Variants in DPP10 observed in about 807,000 individuals in gnomAD.
The protein encoded by DPP10 is inactive dipeptidyl peptidase 10.
DPP10 carries 33 observed loss-of-function variants against 120.9 expected under a neutral mutation model. The ratio of observed to expected loss-of-function variants is 0.27; its 90% CI spans 0.21 to 0.37. The LOEUF (loss-of-function observed/expected upper bound fraction) is 0.37. DPP10 is among the 10% of genes least tolerant of loss of function. The pLI is 1.00. For missense variants in DPP10, 816 were observed against 942.8 expected (o/e 0.87, Z 1.76); for synonymous variants, 337 against 326.1 (o/e 1.03, Z -0.36).
intron 1 of DPP10, among the ~76,000 whole-genome samples, chr2:114,847,743 T>C (rs1196003505): frequency 2.0e-5 from 3 of 152,186 alleles, no homozygotes; most frequent in Non-Finnish European, 4.4e-5. Flanking sequence ...TATCTTCTTA[T>C]ATTTTATTTC....
intron 1 of DPP10, among the ~76,000 whole-genome samples, chr2:114,651,447 G>A (rs1406180734): frequency 2.6e-5 from 4 of 152,048 alleles, no homozygotes; most frequent in Non-Finnish European, 2.9e-5. Context: ...GCTAAAACAC[G>A]ATTGTTGCAA....
At chr2:115,086,714 C>A (rs886070366) in intron 1 of DPP10, among the ~76,000 whole-genome samples, 1 of 152,088 alleles carries the variant, frequency 6.6e-6, no homozygotes, top group African/African-American at 2.4e-5. Context: ...CCTCGGCCTC[C>A]CAAAGTGCTG....
intron 1 of DPP10, among the ~76,000 whole-genome samples, chr2:114,988,036 C>G (rs1320433974): frequency 6.6e-6 from 1 of 151,802 alleles, no homozygotes. Context: ...GATCTCCTGA[C>G]CTCGTGATCC....
intron 3 of DPP10, among the ~76,000 whole-genome samples, chr2:115,451,949 T>TC (rs1199671256): frequency 6.6e-6 from 1 of 151,468 alleles, no homozygotes; most frequent in African/African-American, 2.4e-5. Flanking sequence ...ATTTATTAAA[T>TC]CCCCCCAAAA....
At chr2:114,550,249 G>T (rs1687775981) in intron 1 of DPP10, among the ~76,000 whole-genome samples, 1 of 152,204 alleles carries the variant, frequency 6.6e-6, no homozygotes, top group South Asian at 2.1e-4. Context: ...AAGGGTGTGA[G>T]CATAGGACAA....
chr2:115,238,042 C>G (rs865890488), intron 1 of DPP10, among the ~76,000 whole-genome samples: 4 of 152,172 alleles, frequency 2.6e-5, no homozygotes, highest in African/African-American at 9.6e-5. Context: ...GTAGCCAAAA[C>G]AGCCTTCTAT....
chr2:114,635,347 C>A (rs569856740), intron 1 of DPP10, among the ~76,000 whole-genome samples: 1 of 151,754 alleles, frequency 6.6e-6, no homozygotes, highest in South Asian at 2.1e-4. Context: ...TTGGGTTTAC[C>A]ATAAAATTAA....
At chr2:115,604,759 G>A (rs2083588495) in intron 5 of DPP10, among the ~76,000 whole-genome samples, 1 of 151,962 alleles carries the variant, frequency 6.6e-6, no homozygotes, top group African/African-American at 2.4e-5. Context: ...TACTTTTCAT[G>A]AGGTCATTTG....
intron 1 of DPP10, among the ~76,000 whole-genome samples, chr2:114,653,813 C>T (rs1696784383): frequency 1.3e-5 from 2 of 152,144 alleles, no homozygotes; most frequent in African/African-American, 4.8e-5. Flanking sequence ...AACTAAAACT[C>T]TGTGGATTAA....
chr2:115,214,668 C>A (rs1262352102), intron 1 of DPP10, among the ~76,000 whole-genome samples: 2 of 152,080 alleles, frequency 1.3e-5, no homozygotes, highest in Non-Finnish European at 2.9e-5. Flanking sequence ...TCTGACTTCT[C>A]CCTTTATTCA....
rs192924277 is a variant in DPP10 at position 115,076,319 on chromosome 2, C to A, written c.61-232920C>A. Among the ~76,000 whole-genome samples, 334 of 108,882 alleles carry A rather than the reference C, an allele frequency of 3.1e-3. 10 individuals carry two copies. The highest frequency in any genetic ancestry group is 0.013 in the African/African-American group (315 of 24,754). 71.4% of individuals were successfully genotyped at this position (108,882 alleles called of 152,430 possible). On this transcript the variant is annotated intron_variant, in intron 1 of 25. Coordinates refer to ENST00000410059, the MANE Select transcript of DPP10 (RefSeq NM_020868.6). The stretch of plus-strand genomic sequence containing the variant: ...TCCTTTTTCTACCTTTCTCCCATAT[C>A]ATTTCCTTCCCTCCTCCTCCACTAT...
chr2:115,221,444 TAA>T (rs2057153092), intron 1 of DPP10, among the ~76,000 whole-genome samples: 1 of 152,094 alleles, frequency 6.6e-6, no homozygotes, highest in Admixed American at 6.6e-5. Flanking sequence ...TTTTTGAATA[TAA>T]GTTAAGGATG....
chr2:115,558,395 G>A (rs886989080), intron 5 of DPP10, among the ~76,000 whole-genome samples: 5 of 152,094 alleles, frequency 3.3e-5, no homozygotes, highest in African/African-American at 1.2e-4. Context: ...ACAATGGCAC[G>A]AGCAGTTATT....
At chr2:114,591,478 A>G (rs1254588435) in intron 1 of DPP10, among the ~76,000 whole-genome samples, 2 of 151,898 alleles carry the variant, frequency 1.3e-5, no homozygotes, top group African/African-American at 4.8e-5. Context: ...AGCAAAGGTC[A>G]AATCCCAAAT....
intron 3 of DPP10, among the ~76,000 whole-genome samples, chr2:115,365,289 G>T (rs1165599782): frequency 6.6e-6 from 1 of 151,830 alleles, no homozygotes; most frequent in African/African-American, 2.4e-5. Flanking sequence ...CTACAAATCT[G>T]CCATAAAAGA....
At position 115,114,052 on chromosome 2, in the gene DPP10, C is replaced by A. The variant is rs189612906; in HGVS notation, c.61-195187C>A. 1.9e-4 allele frequency among the ~76,000 whole-genome samples: 29 copies of A among 152,302 alleles called. No individual in the cohort carries two copies. The East Asian group carries it at 5.2e-3, about 27-fold the overall frequency. On this transcript the variant is annotated intron_variant, in intron 1 of 25. Coordinates refer to ENST00000410059, the MANE Select transcript of DPP10 (RefSeq NM_020868.6). ...CCGAAACCAGTTTTATCTACAGCTT[C>A]TGAGATGACTTGCTGCAATGCTAGG...
chr2:115,122,401 G>T (rs115539646), intron 1 of DPP10, among the ~76,000 whole-genome samples: 1,562 of 152,258 alleles, frequency 0.01, 9 homozygotes, highest in Middle Eastern at 0.041. Flanking sequence ...CCAATTTCTG[G>T]GACCAGCCTT....
chr2:115,181,030 A>G (rs1225860544), intron 1 of DPP10, among the ~76,000 whole-genome samples: 4 of 71,532 alleles, frequency 5.6e-5, no homozygotes, highest in Non-Finnish European at 9.1e-5. Context: ...TCTCACCCCT[A>G]TTTTGATTTA....
chr2:114,895,297 A>G (rs1037759516), intron 1 of DPP10, among the ~76,000 whole-genome samples: 2 of 152,244 alleles, frequency 1.3e-5, no homozygotes, highest in Non-Finnish European at 1.5e-5. Context: ...GTGGATGACA[A>G]TGGTCGAAGA....
Sources: gnomAD v4.1 joint callset for allele counts (sites outside exome capture counted in the v4.1 genomes callset) on GRCh38, gnomAD v4.1.1 for gene constraint, MANE v1.5 for transcripts, NCBI Gene and HGNC (gene_info 2026-07-23, HGNC 2026-07-21) for gene names.